HYDIN: variants seen among roughly 807,000 people sequenced by gnomAD.
HYDIN encodes axonemal central pair apparatus protein HYDIN.
Under a neutral mutation model 403.9 loss-of-function variants are expected in HYDIN, and 132 were observed. The ratio of observed to expected loss-of-function variants is 0.33; its 90% CI spans 0.28 to 0.38. HYDIN has a LOEUF of 0.38. Among genes scored for constraint, HYDIN ranks in the 10% least tolerant of loss-of-function variants. HYDIN has a pLI of 1.00. For synonymous variants in HYDIN, 1,202 were observed against 1,891.7 expected, an observed-to-expected ratio of 0.64 and a Z score of 9.46; for missense variants, 2,827 against 5,009.5, an observed-to-expected ratio of 0.56 and a Z score of 13.15.
intron 18 of HYDIN, among the ~76,000 whole-genome samples, chr16:71,038,633 T>C (rs1279123532): frequency 2.6e-5 from 4 of 152,338 alleles, no homozygotes; most frequent in South Asian, 2.1e-4. Context: ...ACAAGAACAA[T>C]GAAGGGTCAC....
intron 65 of HYDIN, 77 bp downstream of exon 65, chr16:70,871,960 G>A (rs543509936): frequency 1.2e-4 from 148 of 1,271,764 alleles, no homozygotes; most frequent in Middle Eastern, 5.8e-4. Context: ...ATGCATCCAC[G>A]GGAAAGGGCT....
intron 75 of HYDIN, among the ~76,000 whole-genome samples, chr16:70,845,958 G>A (rs899767779): frequency 5.3e-5 from 8 of 151,090 alleles, no homozygotes; most frequent in Admixed American, 4.0e-4. Flanking sequence ...CTTGCTAGCG[G>A]TCTATCAGTT....
chr16:70,915,391 G>A (rs1325676483), intron 47 of HYDIN, among the ~76,000 whole-genome samples: 1 of 151,794 alleles, frequency 6.6e-6, no homozygotes, highest in African/African-American at 2.4e-5. Flanking sequence ...GAGCCGAGCT[G>A]TGCTGATGGT....
intron 1 of HYDIN, among the ~76,000 whole-genome samples, chr16:71,201,408 C>A (rs952504401): frequency 1.2e-4 from 19 of 152,100 alleles, no homozygotes; most frequent in Non-Finnish European, 4.4e-5. Context: ...TTTTTACTAT[C>A]CTGCATCCAT....
Position 70,807,931 on chromosome 16 carries a change from T to C in HYDIN, c.15015A>G (p.Leu5005=), listed in dbSNP as rs1466756555. 5.6e-6 allele frequency: 9 copies of C among 1,614,186 alleles called. No homozygotes were observed. Among genetic ancestry groups the C allele is most frequent in the Admixed American group, 1.7e-5 (1 of 60,032 alleles). The change falls in exon 86 of 86, where the codon CTA becomes CTG. Residue 5005 remains leucine, a synonymous_variant. Transcript: ENST00000393567. ...HLGETKGILI[L]SSLAGGEYII... ...TATACTCTCCACCTGCGAGCGATGA[T>C]AGGATCAGGATGCCCTTGGTCTCAC...
chr16:71,230,705 G>C lies in HYDIN; in HGVS notation c.-167C>G. The C allele has an allele frequency of 6.5e-7, 1 of 1,535,988 alleles. No individual in the cohort carries two copies. The highest frequency in any genetic ancestry group is 8.7e-7 in the Non-Finnish European group (1 of 1,146,866). ...CTCTCCATGCGCCGCCCGAGCTGTT[G>C]CCGTCCGTTGCCACGGTAACCACGG... is the stretch of plus-strand genomic sequence containing the variant. On this transcript the variant is annotated 5_prime_UTR_variant, in exon 1 of 86. Transcript: ENST00000393567.
At chr16:70,905,841 T>C (rs1295005400) in intron 50 of HYDIN, among the ~76,000 whole-genome samples, 1 of 151,844 alleles carries the variant, frequency 6.6e-6, no homozygotes, top group African/African-American at 2.4e-5. Flanking sequence ...CAGACTGTTC[T>C]GTACCTCATG....
chr16:71,139,928 A>G (rs1029844469), intron 7 of HYDIN, among the ~76,000 whole-genome samples: 1 of 152,090 alleles, frequency 6.6e-6, no homozygotes, highest in Non-Finnish European at 1.5e-5. Flanking sequence ...TTTAAAAATC[A>G]GACCTGAATA....
intron 13 of HYDIN, among the ~76,000 whole-genome samples, chr16:71,070,135 C>T (rs1324824443): frequency 6.6e-6 from 1 of 152,168 alleles, no homozygotes; most frequent in Non-Finnish European, 1.5e-5. Flanking sequence ...CTCTCTTAGA[C>T]AAAGCTGCTT....
chr16:70,868,877 G>A, intron 65 of HYDIN, 89 bp from the exon 66 acceptor site: 2 of 1,392,400 alleles, frequency 1.4e-6, no homozygotes, highest in Non-Finnish European at 1.9e-6. Context: ...AAGGGAAGGA[G>A]CCAAAGGTCT....
chr16:71,016,104 A>T (rs1382853456), intron 23 of HYDIN, among the ~76,000 whole-genome samples: 1 of 152,030 alleles, frequency 6.6e-6, no homozygotes, highest in Non-Finnish European at 1.5e-5. Flanking sequence ...TTCTGCAGCA[A>T]CAAAACCAAA....
chr16:71,016,300 A>T (rs1416859016), intron 23 of HYDIN, among the ~76,000 whole-genome samples: 8 of 151,574 alleles, frequency 5.3e-5, no homozygotes, highest in South Asian at 2.1e-4. Context: ...TAATTTAAAA[A>T]TGGGCTAAGG....
intron 1 of HYDIN, among the ~76,000 whole-genome samples, chr16:71,216,430 T>C (rs892020757): frequency 3.9e-5 from 6 of 152,214 alleles, no homozygotes; most frequent in South Asian, 2.1e-4. Flanking sequence ...TCTAGGAATG[T>C]ATACAAAATG....
chr16:70,991,084 G>T (rs9889173), intron 25 of HYDIN, among the ~76,000 whole-genome samples: 98 of 152,306 alleles, frequency 6.4e-4, no homozygotes, highest in Middle Eastern at 3.4e-3. Flanking sequence ...GAATTATTAA[G>T]AAAATATTTT....
At chr16:71,100,442 A>G (rs1271545201) in intron 10 of HYDIN, among the ~76,000 whole-genome samples, 1 of 152,122 alleles carries the variant, frequency 6.6e-6, no homozygotes, top group Admixed American at 6.5e-5. Flanking sequence ...TAAAAAGAAG[A>G]CATGCCGAAG....
intron 35 of HYDIN, among the ~76,000 whole-genome samples, chr16:70,971,052 T>C (rs996601052): frequency 2.6e-5 from 4 of 152,188 alleles, no homozygotes; most frequent in African/African-American, 9.7e-5. Flanking sequence ...CACTTTCACA[T>C]CCCTCAAATC....
intron 1 of HYDIN, among the ~76,000 whole-genome samples, chr16:71,228,099 G>A (rs1403806617): frequency 6.6e-6 from 1 of 152,054 alleles, no homozygotes; most frequent in Non-Finnish European, 1.5e-5. Context: ...AGGAAAACTG[G>A]CTAGCCATAT....
intron 1 of HYDIN, among the ~76,000 whole-genome samples, chr16:71,229,103 C>T (rs1314853872): frequency 2.3e-5 from 3 of 133,032 alleles, no homozygotes; most frequent in African/African-American, 8.8e-5. Flanking sequence ...GGGCAACGAA[C>T]AATGAGAACA....
intron 13 of HYDIN, among the ~76,000 whole-genome samples, chr16:71,072,936 GA>G (rs1251401408): frequency 6.6e-6 from 1 of 151,480 alleles, no homozygotes; most frequent in Non-Finnish European, 1.5e-5. Flanking sequence ...TCTAACAACT[GA>G]CCTTGCAGTT....
Sources: allele counts gnomAD v4.1 joint callset (sites outside exome capture counted in the v4.1 genomes callset), GRCh38; gene constraint gnomAD v4.1.1; transcripts MANE v1.5; gene names NCBI Gene and HGNC (gene_info 2026-07-23, HGNC 2026-07-21).